The following NRG4 variants were observed in gnomAD, a reference collection of about 807,000 sequenced individuals.
The protein encoded by NRG4 is neuregulin 4, also known as pro-neuregulin-4, membrane-bound isoform.
A neutral mutation model predicts 15.0 loss-of-function variants in NRG4; 10 were observed. The observed-to-expected ratio is 0.67, with a 90% CI of 0.41 to 1.13. The LOEUF is 1.13. NRG4 is among the 50% of genes most tolerant of loss of function. NRG4 has a pLI of 0.00. For synonymous variants in NRG4, 41 were observed against 50.1 expected, an observed-to-expected ratio of 0.82 and a Z score of 0.77; for missense variants, 139 against 140.2, an observed-to-expected ratio of 0.99 and a Z score of 0.04.
At chr15:75,973,605 T>G (rs764534875) in intron 3 of NRG4, among the ~76,000 whole-genome samples, 4 of 152,224 alleles carry the variant, frequency 2.6e-5, no homozygotes, top group Non-Finnish European at 5.9e-5. Flanking sequence ...GAAGGCCTTT[T>G]CTGCATCTGT....
chr15:76,052,815 GT>G (rs2036052676), intron 3 of NRG4: 1 of 151,052 alleles, frequency 6.6e-6, no homozygotes, highest in East Asian at 1.9e-4. Context: ...CCAGTCAATA[GT>G]TAGAATGCAA....
chr15:75,947,866 T>C (rs2031630435), intron 5 of NRG4, among the ~76,000 whole-genome samples: 1 of 152,216 alleles, frequency 6.6e-6, no homozygotes, highest in South Asian at 2.1e-4. Context: ...TTGAAAGTGG[T>C]ACCTCATTGT....
intron 4 of NRG4, among the ~76,000 whole-genome samples, chr15:76,050,309 T>C (rs2035965257): frequency 6.6e-6 from 1 of 150,720 alleles, no homozygotes; most frequent in African/African-American, 2.5e-5. Context: ...AATTTCAAAA[T>C]CTTTGATTTT....
chr15:75,952,187 A>AC (rs1367260576), intron 5 of NRG4, among the ~76,000 whole-genome samples: 1 of 152,140 alleles, frequency 6.6e-6, no homozygotes, highest in Admixed American at 6.6e-5. Flanking sequence ...AATTTATGAC[A>AC]CTTTCATTCC....
chr15:75,982,008 T>C (rs1410536696), intron 3 of NRG4, among the ~76,000 whole-genome samples: 1 of 152,062 alleles, frequency 6.6e-6, no homozygotes, highest in Non-Finnish European at 1.5e-5. Flanking sequence ...TCATTCTCCA[T>C]AAAACAAATT....
chr15:76,001,611 T>G (rs1048479695), intron 3 of NRG4, among the ~76,000 whole-genome samples: 2 of 152,172 alleles, frequency 1.3e-5, no homozygotes, highest in African/African-American at 2.4e-5. Context: ...ACTTATTGAA[T>G]GACTATTATA....
At chr15:75,961,765 T>C in intron 4 of NRG4, 63 bp downstream of exon 4, 2 of 1,171,118 alleles carry the variant, frequency 1.7e-6, no homozygotes, top group African/African-American at 1.5e-5. Flanking sequence ...GCATATTAAT[T>C]ATTTAGTGGA....
intron 3 of NRG4, among the ~76,000 whole-genome samples, chr15:75,990,684 GTTT>G (rs1254138831): frequency 0.051 from 5,257 of 102,122 alleles, 124 homozygotes; most frequent in African/African-American, 0.11. Context: ...TTTTTTTTTT[GTTT>G]TTTTTTTTTT....
intron 3 of NRG4, among the ~76,000 whole-genome samples, chr15:76,006,175 T>A (rs950390524): frequency 4.0e-5 from 6 of 151,728 alleles, no homozygotes; most frequent in Non-Finnish European, 5.9e-5. Context: ...AGATGAGAGA[T>A]ACAGCAAAGG....
At chr15:75,976,731 G>A (rs1422008743) in intron 3 of NRG4, among the ~76,000 whole-genome samples, 1 of 152,178 alleles carries the variant, frequency 6.6e-6, no homozygotes, top group Admixed American at 6.5e-5. Flanking sequence ...CCCGCCAGAT[G>A]CCAGCCAGAG....
intron 3 of NRG4, among the ~76,000 whole-genome samples, chr15:75,998,584 G>GGCCA (rs1181136846): frequency 2.6e-5 from 4 of 152,020 alleles, no homozygotes; most frequent in Admixed American, 6.6e-5. Flanking sequence ...CAATAATAGG[G>GGCCA]GCCATATCAT....
At chr15:76,043,399 A>G (rs1317957430) in intron 4 of NRG4, among the ~76,000 whole-genome samples, 1 of 152,136 alleles carries the variant, frequency 6.6e-6, no homozygotes, top group Non-Finnish European at 1.5e-5. Flanking sequence ...ACTTGGAAAA[A>G]CCTAAAGACT....
chr15:75,960,734 GA>G (rs2032476071), intron 4 of NRG4, among the ~76,000 whole-genome samples: 1 of 152,160 alleles, frequency 6.6e-6, no homozygotes, highest in Non-Finnish European at 1.5e-5. Context: ...CTTGATGGAT[GA>G]GTGGCAAGGT....
chr15:76,042,808 A>G (rs1226104628), intron 4 of NRG4, among the ~76,000 whole-genome samples: 1 of 152,140 alleles, frequency 6.6e-6, no homozygotes, highest in Admixed American at 6.5e-5. Context: ...CTCATTCTAC[A>G]AGGTCAGTAT....
In NRG4 at chr15:75,941,988, T is replaced by TA. The variant is rs36050326; in HGVS notation, c.*1649dup. 4.2e-4 allele frequency: 61 copies of TA among 146,690 alleles called. No homozygotes were observed. The highest frequency in any genetic ancestry group is 1.2e-3 in the African/African-American group (49 of 39,838). The allele number at this position is 146,690 out of a possible 1,614,324, so 9.1% of individuals were successfully genotyped here. On this transcript the variant is annotated 3_prime_UTR_variant, in exon 6 of 6. Coordinates refer to ENST00000394907, the MANE Select transcript of NRG4 (RefSeq NM_138573.4). ...ATGGCCTAGCTTTTTTTTTTTTTTT[T>TA]AAAAAGGGCAGGGGGTGGGGTATTT...
rs1216314963 is a variant in NRG4, at chr15:76,012,328, A to C, written c.-66T>G. 1 of 152,214 alleles carries C rather than the reference A, an allele frequency of 6.6e-6. No individual in the cohort carries two copies. The highest frequency in any genetic ancestry group is 2.4e-5 in the African/African-American group (1 of 41,450). The allele number at this position is 152,214 out of a possible 1,614,324, so 9.4% of individuals were successfully genotyped here. On this transcript the variant is annotated 5_prime_UTR_variant, in exon 1 of 6. Coordinates refer to ENST00000394907, the MANE Select transcript of NRG4 (RefSeq NM_138573.4). ...CTCAATAAAAACTTACATTCACACAAAAAATAAATTTTGTTGGACATGCAG... is the reference window on the plus strand; with the variant it reads ...CTCAATAAAAACTTACATTCACACACAAAATAAATTTTGTTGGACATGCAG...
chr15:76,011,434 A>G, intron 1 of NRG4, 148 bp from the exon 2 acceptor site: 1 of 380,486 alleles, frequency 2.6e-6, no homozygotes, highest in Non-Finnish European at 4.6e-6. Context: ...TTTTAGTTAC[A>G]GCATTTTTAG....
intron 3 of NRG4, among the ~76,000 whole-genome samples, chr15:75,980,383 A>ATTT (rs5813815): frequency 7.0e-6 from 1 of 142,294 alleles, no homozygotes; most frequent in African/African-American, 2.6e-5. Context: ...TTCTTTGGGG[A>ATTT]TTTTTTTTTT....
In NRG4 at chr15:75,962,627, T is replaced by C. The variant is rs566494177; in HGVS notation, c.105-653A>G. 2.0e-5 allele frequency among the ~76,000 whole-genome samples: 3 copies of C among 152,326 alleles called. No homozygotes were observed. The South Asian group carries it at 6.2e-4, about 32-fold the overall frequency. On this transcript the variant is annotated intron_variant, in intron 3 of 5. Transcript: ENST00000394907. ...TCTCCACTGCCAACCAAATATTTTA[T>C]AGCCAATTACCTGTAGCTCTCTAAA...
Sources: gnomAD v4.1 joint callset for allele counts (sites outside exome capture counted in the v4.1 genomes callset) on GRCh38, gnomAD v4.1.1 for gene constraint, MANE v1.5 for transcripts, NCBI Gene and HGNC (gene_info 2026-07-23, HGNC 2026-07-21) for gene names.